Variants in CTSC observed in about 807,000 individuals in gnomAD.
CTSC encodes dipeptidyl peptidase 1.
In CTSC, 37 loss-of-function variants were observed where a neutral mutation model predicts 40.9. That is an observed-to-expected ratio of 0.91 (90% CI 0.70 to 1.19). CTSC has a LOEUF of 1.19. CTSC is among the 50% of genes most tolerant of loss of function. The pLI is 0.00. For missense variants in CTSC, 594 were observed against 567.3 expected (o/e 1.05, Z -0.48); for synonymous variants, 232 against 207.4 (o/e 1.12, Z -1.02).
chr11:88,306,479 A>T (rs1937633217), intron 4 of CTSC, among the ~76,000 whole-genome samples: 1 of 151,188 alleles, frequency 6.6e-6, no homozygotes, highest in African/African-American at 2.4e-5. Flanking sequence ...GCAGGCACAG[A>T]TACAAGGAGC....
intron 2 of CTSC, chr11:88,322,645 A>G (rs558955082): frequency 6.6e-6 from 1 of 152,336 alleles, no homozygotes; most frequent in Non-Finnish European, 1.5e-5. Context: ...AAACACCTCT[A>G]TGCAAAGAAA....
At chr11:88,301,808 GCGCACACACACA>G (rs1944366418) in intron 4 of CTSC, among the ~76,000 whole-genome samples, 1 of 119,364 alleles carries the variant, frequency 8.4e-6, no homozygotes, top group African/African-American at 2.8e-5. Flanking sequence ...AAACACACGC[GCGCACACACACA>G]CACACACACA....
intron 4 of CTSC, among the ~76,000 whole-genome samples, chr11:88,303,286 T>C (rs2134775307): frequency 6.6e-6 from 1 of 152,290 alleles, no homozygotes; most frequent in East Asian, 1.9e-4. Flanking sequence ...GTTTTGACAC[T>C]GTGTACTTAG....
chr11:88,314,105 C>G (rs1032506573), intron 2 of CTSC, among the ~76,000 whole-genome samples: 2 of 152,150 alleles, frequency 1.3e-5, no homozygotes, highest in African/African-American at 4.8e-5. Context: ...CACATTATTT[C>G]ACTTGTTTGC....
chr11:88,320,464 A>C (rs1937976074), intron 2 of CTSC, among the ~76,000 whole-genome samples: 1 of 152,198 alleles, frequency 6.6e-6, no homozygotes, highest in African/African-American at 2.4e-5. Context: ...CATGTTCCTC[A>C]CTATACTCAA....
At chr11:88,337,007 T>C (rs1938513633) in intron 1 of CTSC, among the ~76,000 whole-genome samples, 1 of 151,754 alleles carries the variant, frequency 6.6e-6, no homozygotes, top group Non-Finnish European at 1.5e-5. Context: ...TTTCTAGTAC[T>C]CATCAACACC....
At chr11:88,321,092 A>G (rs900807677) in intron 2 of CTSC, 6 of 938,076 alleles carry the variant, frequency 6.4e-6, no homozygotes, top group Admixed American at 6.2e-5. Flanking sequence ...CTCAGATAAA[A>G]GAACTCATTA....
intron 4 of CTSC, 49 bp downstream of exon 4, chr11:88,309,114 G>A: frequency 6.5e-7 from 1 of 1,537,574 alleles, no homozygotes; most frequent in East Asian, 2.3e-5. Context: ...AGGGAGGATG[G>A]TATTCAGCAT....
At chr11:88,317,933 T>C (rs1017975703) in intron 2 of CTSC, among the ~76,000 whole-genome samples, 11 of 152,262 alleles carry the variant, frequency 7.2e-5, no homozygotes, top group African/African-American at 2.4e-4. Context: ...GCTTCTTCAA[T>C]ATTACCATTA....
intron 2 of CTSC, among the ~76,000 whole-genome samples, chr11:88,331,219 C>G (rs2134820810): frequency 6.6e-6 from 1 of 152,302 alleles, no homozygotes; most frequent in South Asian, 2.1e-4. Context: ...ATGCTACCTA[C>G]CAGGAGACAG....
intron 2 of CTSC, among the ~76,000 whole-genome samples, chr11:88,330,756 T>C (rs2134819881): frequency 1.3e-5 from 2 of 152,354 alleles, no homozygotes; most frequent in Middle Eastern, 6.8e-3. Flanking sequence ...TAGCTTGAAG[T>C]CACATCCAAA....
intron 2 of CTSC, chr11:88,326,421 T>A: frequency 6.2e-7 from 1 of 1,613,080 alleles, no homozygotes; most frequent in South Asian, 1.1e-5. Flanking sequence ...AAAGAGTCCC[T>A]CAACAGATGC....
At position 88,334,959 on chromosome 11, in the gene CTSC, T is replaced by C. The variant is rs200051475; in HGVS notation, c.296A>G (p.Tyr99Cys). 1 of 1,612,962 alleles carries C rather than the reference T, an allele frequency of 6.2e-7. No individual in the cohort carries two copies. The highest frequency in any genetic ancestry group is 8.5e-7 in the Non-Finnish European group (1 of 1,179,082). Residue 99 changes from tyrosine to cysteine, a missense_variant, in exon 2 of 7, where the codon TAC becomes TGC. Transcript: ENST00000227266. ...NQGFEIVLND[Y>C]KWFAFFKYKE... ...AACCTTAAAAAAGGCAAACCACTTG[T>C]AGTCATTCAACACAATCTCAAAGCC...
chr11:88,306,991 G>A (rs1937647309), intron 4 of CTSC, among the ~76,000 whole-genome samples: 1 of 152,194 alleles, frequency 6.6e-6, no homozygotes, highest in South Asian at 2.1e-4. Context: ...GGGTTTGGGT[G>A]GTAGGGCAAG....
chr11:88,296,989 A>T (rs170083), intron 5 of CTSC: 134,078 of 153,322 alleles, frequency 0.87, 58,797 homozygotes, highest in East Asian at 1. Flanking sequence ...TGGAAGAAGG[A>T]CCTGTGAATT....
intron 2 of CTSC, among the ~76,000 whole-genome samples, chr11:88,329,546 G>C (rs1938290670): frequency 2.0e-5 from 3 of 150,664 alleles, no homozygotes; most frequent in African/African-American, 7.3e-5. Flanking sequence ...CCTGTCTCTG[G>C]GCAATTTGGT....
chr11:88,303,176 C>T (rs1944387631), intron 4 of CTSC, among the ~76,000 whole-genome samples: 1 of 152,066 alleles, frequency 6.6e-6, no homozygotes, highest in African/African-American at 2.4e-5. Context: ...CAACTGTCAA[C>T]ACAAAAGACT....
chr11:88,329,133 AGAGTCAGTTTC>A (rs2134815849), intron 2 of CTSC, among the ~76,000 whole-genome samples: 1 of 151,768 alleles, frequency 6.6e-6, no homozygotes, highest in African/African-American at 2.4e-5. Context: ...GCTCCCTTTT[AGAGTCAGTTTC>A]TTTTACTGCC....
chr11:88,333,084 T>C (rs2134824517), intron 2 of CTSC, among the ~76,000 whole-genome samples: 1 of 152,352 alleles, frequency 6.6e-6, no homozygotes, highest in South Asian at 2.1e-4. Flanking sequence ...ATTCCCTCTG[T>C]CCCTACCAGC....
Sources: allele counts gnomAD v4.1 joint callset (sites outside exome capture counted in the v4.1 genomes callset), GRCh38; gene constraint gnomAD v4.1.1; transcripts MANE v1.5; gene names NCBI Gene and HGNC (gene_info 2026-07-23, HGNC 2026-07-21).